Variants in HPSE2 observed in about 807,000 individuals in gnomAD.
The protein encoded by HPSE2 is inactive heparanase-2.
Under a neutral mutation model 60.5 loss-of-function variants are expected in HPSE2, and 38 were observed. The observed-to-expected ratio is 0.63, with a 90% CI of 0.48 to 0.82. The LOEUF (loss-of-function observed/expected upper bound fraction) is 0.82, where lower values mean the gene tolerates loss of function less well. Among genes scored for constraint, HPSE2 ranks in the 40% least tolerant of loss-of-function variants. The probability of loss-of-function intolerance (pLI) is 0.00; values close to 1 mark genes in which losing one functional copy is unlikely to be tolerated. For synonymous variants in HPSE2, 295 were observed against 293.2 expected, an observed-to-expected ratio of 1.01 and a Z score of -0.06; for missense variants, 713 against 740.4, an observed-to-expected ratio of 0.96 and a Z score of 0.43.
chr10:98,549,657 A>T (rs1350859372), intron 9 of HPSE2, among the ~76,000 whole-genome samples: 3 of 152,124 alleles, frequency 2.0e-5, no homozygotes, highest in African/African-American at 7.2e-5. Flanking sequence ...CTTTTTCATC[A>T]CTAGTAGACT....
At chr10:99,216,188 C>CTTTTTT (rs550046406) in intron 2 of HPSE2, among the ~76,000 whole-genome samples, 19 of 97,672 alleles carry the variant, frequency 1.9e-4, no homozygotes, top group Admixed American at 2.7e-4. Context: ...ATAACCTAAA[C>CTTTTTT]TTTTTTTTTT....
intron 3 of HPSE2, among the ~76,000 whole-genome samples, chr10:99,081,000 T>C (rs1843115503): frequency 6.6e-6 from 1 of 152,214 alleles, no homozygotes; most frequent in South Asian, 2.1e-4. Flanking sequence ...TTCACCATGT[T>C]GGCCAGGCTG....
chr10:98,623,134 G>C (rs1946117545), intron 7 of HPSE2, among the ~76,000 whole-genome samples: 1 of 152,060 alleles, frequency 6.6e-6, no homozygotes, highest in Non-Finnish European at 1.5e-5. Context: ...AGAGAAAGGA[G>C]CTTTGGTTAA....
chr10:99,016,960 C>G (rs1263401772), intron 3 of HPSE2, among the ~76,000 whole-genome samples: 1 of 152,172 alleles, frequency 6.6e-6, no homozygotes, highest in Non-Finnish European at 1.5e-5. Context: ...GATATAGAAT[C>G]ATGTCATCTT....
At chr10:98,912,974 A>G (rs1954021273) in intron 3 of HPSE2, among the ~76,000 whole-genome samples, 1 of 152,214 alleles carries the variant, frequency 6.6e-6, no homozygotes, top group East Asian at 1.9e-4. Flanking sequence ...GCTTGAGGGA[A>G]TGGATACCCT....
At chr10:99,299,516 A>G in the HPSE2 span, among the ~76,000 whole-genome samples, 1 of 152,216 alleles carries the variant, frequency 6.6e-6, no homozygotes, top group Non-Finnish European at 1.5e-5. Flanking sequence ...TGCAGAAATT[A>G]TCATCCACTT....
At chr10:99,040,448 A>G (rs1222510042) in intron 3 of HPSE2, among the ~76,000 whole-genome samples, 1 of 152,168 alleles carries the variant, frequency 6.6e-6, no homozygotes, top group Non-Finnish European at 1.5e-5. Flanking sequence ...TCACCAGTAG[A>G]GTCCATTTTG....
At chr10:98,460,149 T>C (rs991082235) in intron 11 of HPSE2, among the ~76,000 whole-genome samples, 11 of 152,190 alleles carry the variant, frequency 7.2e-5, no homozygotes, top group Admixed American at 2.0e-4. Context: ...TCAGTTTGAC[T>C]TTTCCACCTA....
chr10:98,813,661 T>C (rs1319810321), intron 3 of HPSE2, among the ~76,000 whole-genome samples: 1 of 152,194 alleles, frequency 6.6e-6, no homozygotes, highest in Non-Finnish European at 1.5e-5. Flanking sequence ...AATTACTATT[T>C]CTCCATAACT....
intron 3 of HPSE2, among the ~76,000 whole-genome samples, chr10:99,107,932 C>T (rs891326717): frequency 2.0e-5 from 3 of 152,170 alleles, no homozygotes; most frequent in African/African-American, 7.2e-5. Context: ...TAATATTCCA[C>T]TGAGAAGCAA....
At chr10:99,312,680 G>A in the HPSE2 span, among the ~76,000 whole-genome samples, 4 of 152,310 alleles carry the variant, frequency 2.6e-5, no homozygotes, top group African/African-American at 2.4e-5. Flanking sequence ...GTGCCAACAC[G>A]TCATCCATTC....
chr10:99,302,342 C>T, the HPSE2 span, among the ~76,000 whole-genome samples: 1 of 144,736 alleles, frequency 6.9e-6, no homozygotes, highest in Non-Finnish European at 1.6e-5. Context: ...TACAATATCA[C>T]TTTGAGATCC....
chr10:99,119,606 G>C (rs1053794340), intron 3 of HPSE2, among the ~76,000 whole-genome samples: 1 of 152,052 alleles, frequency 6.6e-6, no homozygotes, highest in African/African-American at 2.4e-5. Flanking sequence ...TATTCATATG[G>C]AAGCAAAAAA....
At chr10:98,903,835 T>A (rs1484120734) in intron 3 of HPSE2, among the ~76,000 whole-genome samples, 1 of 152,110 alleles carries the variant, frequency 6.6e-6, no homozygotes, top group African/African-American at 2.4e-5. Context: ...AAACACACAG[T>A]AATATATCAA....
chr10:98,952,316 G>C (rs929049618), intron 3 of HPSE2, among the ~76,000 whole-genome samples: 1 of 20,836 alleles, frequency 4.8e-5, no homozygotes, highest in African/African-American at 9.1e-5. Flanking sequence ...GAATTTGTTT[G>C]TGTGTGTGTG....
chr10:98,680,247 T>C (rs1229117971), intron 6 of HPSE2, among the ~76,000 whole-genome samples: 2 of 152,230 alleles, frequency 1.3e-5, no homozygotes, highest in African/African-American at 4.8e-5. Context: ...AAAGTTACTA[T>C]CTTGTTAGTA....
At chr10:99,142,987 C>T (rs1321742909) in intron 3 of HPSE2, among the ~76,000 whole-genome samples, 1 of 152,054 alleles carries the variant, frequency 6.6e-6, no homozygotes, top group Non-Finnish European at 1.5e-5. Context: ...CACACACATG[C>T]ACAAATACAT....
At chr10:98,765,887 T>A (rs1950108766) in intron 3 of HPSE2, among the ~76,000 whole-genome samples, 1 of 151,696 alleles carries the variant, frequency 6.6e-6, no homozygotes, top group African/African-American at 2.4e-5. Flanking sequence ...ATTAATCTAA[T>A]CATCTACCTT....
chr10:98,640,270 A>G (rs1565040087), intron 7 of HPSE2, among the ~76,000 whole-genome samples: 1 of 152,224 alleles, frequency 6.6e-6, no homozygotes, highest in Non-Finnish European at 1.5e-5. Flanking sequence ...AATATTTTTC[A>G]CCAAATGAAT....
Sources: gnomAD v4.1 joint callset for allele counts (sites outside exome capture counted in the v4.1 genomes callset) on GRCh38, gnomAD v4.1.1 for gene constraint, MANE v1.5 for transcripts, NCBI Gene and HGNC (gene_info 2026-07-23, HGNC 2026-07-21) for gene names.